PARD3B: variants seen among roughly 807,000 people sequenced by gnomAD.
The protein encoded by PARD3B is partitioning defective 3 homolog B.
In PARD3B, 103 loss-of-function variants were observed where a neutral mutation model predicts 130.2. That is an observed-to-expected ratio of 0.79 (90% CI 0.67 to 0.93). The LOEUF (loss-of-function observed/expected upper bound fraction) is 0.93. Among genes scored for constraint, PARD3B ranks in the 40% least tolerant of loss-of-function variants. PARD3B has a pLI of 0.00. For synonymous variants in PARD3B, 583 were observed against 553.2 expected (o/e 1.05, Z -0.76); for missense variants, 1,609 against 1,499.2 (o/e 1.07, Z -1.21).
At chr2:205,156,407 T>A (rs907737678) in intron 10 of PARD3B, among the ~76,000 whole-genome samples, 1 of 151,458 alleles carries the variant, frequency 6.6e-6, no homozygotes, top group African/African-American at 2.4e-5. Context: ...AAACTTAAAG[T>A]ATAATAATAA....
Position 205,301,811 on chromosome 2 carries a change from A to G in PARD3B, c.2630+110A>G. The G allele has an allele frequency of 6.6e-7, 1 of 1,509,998 alleles. No individual in the cohort carries two copies. The highest frequency in any genetic ancestry group is 9.2e-7 in the Non-Finnish European group (1 of 1,085,360). The allele number at this position is 1,509,998 out of a possible 1,614,324, so 93.5% of individuals were successfully genotyped here. A position where few individuals can be genotyped will look rare whatever the true frequency, so the allele number is the denominator to read the frequency against. ...CGCACGCTTTTCCTCGTCTTCAGCC[A>G]AATGCATACGGCTCTCAATTCTGTG... On this transcript the variant is annotated intron_variant, in intron 18 of 22. Coordinates refer to ENST00000406610, the MANE Select transcript of PARD3B (RefSeq NM_001302769.2). This position sits in a 1 kb window ranked among gnomAD's most constrained non-coding sequence, Gnocchi z 5.2.
chr2:205,156,425 T>TA (rs1380012732), intron 10 of PARD3B, among the ~76,000 whole-genome samples: 2 of 149,870 alleles, frequency 1.3e-5, no homozygotes, highest in African/African-American at 2.5e-5. Flanking sequence ...TAATAAAATT[T>TA]AAAAAAAAAG....
chr2:204,827,488 T>C (rs540934818), intron 2 of PARD3B, among the ~76,000 whole-genome samples: 1 of 152,336 alleles, frequency 6.6e-6, no homozygotes, highest in Admixed American at 6.5e-5. Flanking sequence ...TGGCCTTCTC[T>C]TTTGTTAATG....
rs1474357549 is a variant in PARD3B, at chr2:205,584,443, C to G, written c.3261-31013C>G. Among the ~76,000 whole-genome samples, 1 of 152,028 alleles carries G rather than the reference C, an allele frequency of 6.6e-6. No homozygotes were observed. Among genetic ancestry groups the G allele is most frequent in the African/African-American group, 2.4e-5 (1 of 41,394 alleles). On this transcript the variant is annotated intron_variant, in intron 22 of 22. Transcript: ENST00000406610. This position sits in a 1 kb window ranked among gnomAD's most constrained non-coding sequence, Gnocchi z 5.5. ...TTACAATCCCAGCACTTTAGGAGGC[C>G]GAGGCAGGCCGATCACCTGACGTCA... is the stretch of plus-strand genomic sequence containing the variant.
At chr2:205,501,136 G>A (rs1156885015) in intron 21 of PARD3B, among the ~76,000 whole-genome samples, 2 of 152,142 alleles carry the variant, frequency 1.3e-5, no homozygotes, top group South Asian at 2.1e-4. Flanking sequence ...CTACACTGGG[G>A]TGTGAAAATC....
chr2:205,361,821 A>G (rs1425878996), intron 18 of PARD3B, among the ~76,000 whole-genome samples: 1 of 142,014 alleles, frequency 7.0e-6, no homozygotes, highest in Non-Finnish European at 1.6e-5. Context: ...CTCTCTGGCC[A>G]ACAAGCTCCT....
rs2054133834 is a variant in PARD3B at position 205,584,801 on chromosome 2, T to C, written c.3261-30655T>C. Among the ~76,000 whole-genome samples the C allele has an allele frequency of 6.6e-6, 1 of 152,236 alleles. No individual in the cohort carries two copies. The highest frequency in any genetic ancestry group is 1.5e-5 in the Non-Finnish European group (1 of 68,046). On this transcript the variant is annotated intron_variant, in intron 22 of 22. Coordinates refer to ENST00000406610, the MANE Select transcript of PARD3B (RefSeq NM_001302769.2). This position sits in a 1 kb window ranked among gnomAD's most constrained non-coding sequence, Gnocchi z 5.5. Reference sequence around the variant, plus strand: ...CTATAAATGGTGATGGTAGCTTCTGTTGAACCACCCTGCTGAAAGTTTGAA... The same window carrying C: ...CTATAAATGGTGATGGTAGCTTCTGCTGAACCACCCTGCTGAAAGTTTGAA...
intron 2 of PARD3B, among the ~76,000 whole-genome samples, chr2:204,948,277 C>A (rs1689492657): frequency 6.6e-6 from 1 of 152,286 alleles, no homozygotes; most frequent in South Asian, 2.1e-4. Flanking sequence ...CAAAGACCAA[C>A]ATAAATTTTC....
intron 4 of PARD3B, among the ~76,000 whole-genome samples, chr2:205,076,882 A>G (rs1436898601): frequency 2.0e-5 from 3 of 152,130 alleles, no homozygotes; most frequent in Non-Finnish European, 2.9e-5. Context: ...GCTACATACT[A>G]TATTCCCTCC....
intron 2 of PARD3B, among the ~76,000 whole-genome samples, chr2:204,882,636 A>T (rs1324874868): frequency 6.6e-6 from 1 of 152,190 alleles, no homozygotes; most frequent in Non-Finnish European, 1.5e-5. Flanking sequence ...AAAGAGTCCT[A>T]CTATTAGGAT....
At chr2:205,526,148 T>C (rs1402310426) in intron 21 of PARD3B, among the ~76,000 whole-genome samples, 2 of 152,208 alleles carry the variant, frequency 1.3e-5, no homozygotes, top group Non-Finnish European at 2.9e-5. Context: ...ATCTTGAACA[T>C]AGATTCTGTT....
At position 204,894,014 on chromosome 2, in the gene PARD3B, T is replaced by A. The variant is rs115793479; in HGVS notation, c.223-71138T>A. Among the ~76,000 whole-genome samples the A allele has an allele frequency of 5.8e-3, 880 of 152,174 alleles. 9 individuals carry two copies. Among genetic ancestry groups the A allele is most frequent in the African/African-American group, 0.02 (850 of 41,504 alleles). On this transcript the variant is annotated intron_variant, in intron 2 of 22. Transcript: ENST00000406610. ...TATATAGAAAATATGACTGTGTCCCTTTCAAAGACACTAAGACCTTATCTT... is the reference window on the plus strand; with the variant it reads ...TATATAGAAAATATGACTGTGTCCCATTCAAAGACACTAAGACCTTATCTT...
chr2:204,886,070 G>T lies in PARD3B; in HGVS notation c.223-79082G>T, dbSNP rs111927481. On this transcript the variant is annotated intron_variant, in intron 2 of 22. Transcript: ENST00000406610. ...GTTATTTTCTGTTCACAATTTTGGG[G>T]CTTAATGATCTTTCAGACTATTTGA... is the stretch of plus-strand genomic sequence containing the variant. 9.5e-3 allele frequency among the ~76,000 whole-genome samples: 1,439 copies of T among 152,204 alleles called. 25 individuals carry two copies. The highest frequency in any genetic ancestry group is 0.032 in the African/African-American group (1,317 of 41,534).
At chr2:204,635,315 C>G (rs890940084) in intron 1 of PARD3B, among the ~76,000 whole-genome samples, 1 of 152,036 alleles carries the variant, frequency 6.6e-6, no homozygotes, top group African/African-American at 2.4e-5. Flanking sequence ...GGACCATGAT[C>G]TAGGTAGAAG....
At chr2:204,882,690 G>A (rs534147154) in intron 2 of PARD3B, among the ~76,000 whole-genome samples, 2 of 152,318 alleles carry the variant, frequency 1.3e-5, no homozygotes, top group South Asian at 2.1e-4. Flanking sequence ...GGTACTCAGA[G>A]TATAGCATGT....
intron 2 of PARD3B, among the ~76,000 whole-genome samples, chr2:204,748,571 G>T (rs2040338562): frequency 6.6e-6 from 1 of 151,864 alleles, no homozygotes. Flanking sequence ...CAATCTTTAG[G>T]GCAGTGGTTG....
chr2:205,403,482 T>C (rs1428748036), intron 19 of PARD3B, among the ~76,000 whole-genome samples: 1 of 152,040 alleles, frequency 6.6e-6, no homozygotes, highest in African/African-American at 2.4e-5. Flanking sequence ...CTATCTTTAG[T>C]GCATATCCAG....
intron 22 of PARD3B, among the ~76,000 whole-genome samples, chr2:205,602,819 T>C (rs1021087300): frequency 1.3e-5 from 2 of 152,120 alleles, no homozygotes; most frequent in African/African-American, 4.8e-5. Context: ...AGCTCTTGGA[T>C]TCATTGATTT....
intron 21 of PARD3B, among the ~76,000 whole-genome samples, chr2:205,534,499 C>T (rs1045276748): frequency 3.3e-5 from 5 of 151,782 alleles, no homozygotes; most frequent in African/African-American, 9.7e-5. Flanking sequence ...CTTACTGTGT[C>T]GCCTAGGCTA....
Sources: gnomAD v4.1 joint callset for allele counts (sites outside exome capture counted in the v4.1 genomes callset) on GRCh38, gnomAD v4.1.1 for gene constraint, Gnocchi (gnomAD v3.1) non-coding constraint, MANE v1.5 for transcripts, NCBI Gene and HGNC (gene_info 2026-07-23, HGNC 2026-07-21) for gene names.